Variants in KHDC1L observed in about 807,000 individuals in gnomAD.
The protein encoded by KHDC1L is KH domain containing 1 like.
KHDC1L carries 5 observed loss-of-function variants against 11.2 expected under a neutral mutation model. The ratio of observed to expected loss-of-function variants is 0.45; its 90% CI spans 0.23 to 0.94. The LOEUF (loss-of-function observed/expected upper bound fraction) is 0.94, where lower values mean the gene tolerates loss of function less well. KHDC1L is among the 40% of genes least tolerant of loss of function. The pLI, the probability that KHDC1L is intolerant of heterozygous loss-of-function variation, is 0.22. For missense variants in KHDC1L, 168 were observed against 165.8 expected, an observed-to-expected ratio of 1.01 and a Z score of -0.07; for synonymous variants, 66 against 62.7, an observed-to-expected ratio of 1.05 and a Z score of -0.25.
chr6:73,225,159 C>T, intron 1 of KHDC1L, 138 bp downstream of exon 1: 1 of 657,730 alleles, frequency 1.5e-6, no homozygotes, highest in Non-Finnish European at 2.5e-6. Flanking sequence ...CCCAGGTACT[C>T]TGCAGGCTGA....
Position 73,225,471 on chromosome 6 carries a change from GA to G in KHDC1L, c.-64del. ...AACAAACTGGTTGGCAAAAGACTTG[GA>G]AAAGCGAGGAAGGGCCTAGGCTCTG... On this transcript the variant is annotated 5_prime_UTR_variant, in exon 1 of 3. Coordinates refer to ENST00000370388, the MANE Select transcript of KHDC1L (RefSeq NM_001126063.3). The G allele has an allele frequency of 8.2e-7, 1 of 1,222,272 alleles. No homozygotes were observed. Among genetic ancestry groups the G allele is most frequent in the Non-Finnish European group, 1.2e-6 (1 of 834,110 alleles). The allele number at this position is 1,222,272 out of a possible 1,614,324, so 75.7% of individuals were successfully genotyped here.
At chr6:73,224,703 G>C (rs1269971814) in intron 1 of KHDC1L, among the ~76,000 whole-genome samples, 2 of 148,098 alleles carry the variant, frequency 1.4e-5, no homozygotes, top group Admixed American at 6.8e-5. Context: ...GTGAACCCGG[G>C]AGGCGGAGCT....
At position 73,225,375 on chromosome 6, in the gene KHDC1L, G is replaced by A. The variant is rs771343829; in HGVS notation, c.34C>T (p.Pro12Ser). Residue 12 changes from proline to serine, a missense_variant, in exon 1 of 3, where the codon CCG becomes TCG. Coordinates refer to ENST00000370388, the MANE Select transcript of KHDC1L (RefSeq NM_001126063.3). ...AAGTTTTCGGGCAGGGTCCACCACG[G>A]CTCCTTGCTGAGAGCACTCGTTCCC... ...AVGTSALSKE[P>S]WWTLPENFHS... 5.6e-6 allele frequency: 9 copies of A among 1,613,930 alleles called. No homozygotes were observed. The highest frequency in any genetic ancestry group is 1.6e-4 in the Middle Eastern group (1 of 6,084).
chr6:73,224,053 C>T (rs910564852), intron 2 of KHDC1L, 113 bp downstream of exon 2: 3 of 1,302,192 alleles, frequency 2.3e-6, no homozygotes, highest in Non-Finnish European at 3.1e-6. Context: ...CTGGGAAGCA[C>T]CTGGATTCCC....
chr6:73,224,215 C>A lies in KHDC1L; in HGVS notation c.246G>T (p.Leu82=). 2 of 1,575,466 alleles carry A rather than the reference C, an allele frequency of 1.3e-6. No individual in the cohort carries two copies. Among genetic ancestry groups the A allele is most frequent in the Non-Finnish European group, 1.7e-6 (2 of 1,160,020 alleles). The part of the protein sequence containing the change: ...VGPPMAKQWL[L]LMFHCVGSQD... ...GGCTCCCCACGCAATGGAACATGAG[C>A]AGCAGCCACTGCTTTGCCATTGGTG... Residue 82 remains leucine, a synonymous_variant, in exon 2 of 3, where the codon CTG becomes CTT. Transcript: ENST00000370388.
chr6:73,224,771 C>CAA (rs3044250), intron 1 of KHDC1L, among the ~76,000 whole-genome samples: 514 of 40,788 alleles, frequency 0.013, 2 homozygotes, highest in Non-Finnish European at 0.015. Context: ...GATTCCATAT[C>CAA]AAAAAAAAAA....
intron 1 of KHDC1L, 83 bp from the exon 2 acceptor site, chr6:73,224,431 G>A (rs917430709): frequency 1.7e-6 from 2 of 1,199,136 alleles, no homozygotes; most frequent in African/African-American, 1.5e-5. Context: ...GTAGGGATGT[G>A]TGACTCATGA....
chr6:73,224,022 C>A (rs1393723529), intron 2 of KHDC1L, 144 bp downstream of exon 2: 4 of 1,086,824 alleles, frequency 3.7e-6, no homozygotes, highest in Non-Finnish European at 5.2e-6. Flanking sequence ...CAAAAATGAG[C>A]CCTTCCCTTC....
intron 1 of KHDC1L, 73 bp downstream of exon 1, chr6:73,225,224 G>C (rs1167335640): frequency 3.7e-6 from 5 of 1,367,906 alleles, no homozygotes; most frequent in Non-Finnish European, 5.0e-6. Context: ...CCAAGATCAC[G>C]AGCGAGAATC....
In KHDC1L at chr6:73,225,374, G is replaced by C; in HGVS notation, c.35C>G (p.Pro12Arg). Residue 12 changes from proline (P) to arginine (R), a missense_variant, in exon 1 of 3, where the codon CCG becomes CGG. Pro to Arg is a moderately radical substitution (Grantham distance 103). Coordinates refer to ENST00000370388, the MANE Select transcript of KHDC1L (RefSeq NM_001126063.3). ...AAAGTTTTCGGGCAGGGTCCACCAC[G>C]GCTCCTTGCTGAGAGCACTCGTTCC... Reference protein sequence around the residue: ...AVGTSALSKEPWWTLPENFHS... With the variant: ...AVGTSALSKERWWTLPENFHS... 1 of 1,614,054 alleles carries C rather than the reference G, an allele frequency of 6.2e-7. No homozygotes were observed. Among genetic ancestry groups the C allele is most frequent in the South Asian group, 1.1e-5 (1 of 91,060 alleles).
At chr6:73,224,002 T>C (rs1766311003) in intron 2 of KHDC1L, among the ~76,000 whole-genome samples, 163 bp from the exon 3 acceptor site, 1 of 152,064 alleles carries the variant, frequency 6.6e-6, no homozygotes, top group South Asian at 2.1e-4. Context: ...CCCTGAGCAA[T>C]CGCATGCCAC....
At chr6:73,224,943 C>G in intron 1 of KHDC1L, among the ~76,000 whole-genome samples, 1 of 150,524 alleles carries the variant, frequency 6.6e-6, no homozygotes. Context: ...ATTAGCCGGG[C>G]GTGATGGCGG....
intron 1 of KHDC1L, among the ~76,000 whole-genome samples, chr6:73,224,755 G>C (rs1451128413): frequency 2.7e-5 from 3 of 110,696 alleles, no homozygotes; most frequent in African/African-American, 3.8e-5. Flanking sequence ...CAGCCTGGGC[G>C]ACAGAGATTC....
chr6:73,224,024 C>G, intron 2 of KHDC1L, 142 bp downstream of exon 2: 2 of 1,117,358 alleles, frequency 1.8e-6, no homozygotes, highest in South Asian at 3.2e-5. Flanking sequence ...AAAATGAGCC[C>G]TTCCCTTCCC....
Position 73,223,772 on chromosome 6 carries a change from G to T in KHDC1L, c.363C>A (p.Ser121Arg). 6.2e-7 allele frequency: 1 copy of T among 1,607,342 alleles called. No homozygotes were observed. Among genetic ancestry groups the T allele is most frequent in the Non-Finnish European group, 8.5e-7 (1 of 1,177,024 alleles). Residue 121 changes from serine to arginine, a missense_variant, in exon 3 of 3, where the codon AGC (serine) becomes AGA (arginine). By Grantham distance (110) the Ser-to-Arg change is moderately radical. Coordinates refer to ENST00000370388, the MANE Select transcript of KHDC1L (RefSeq NM_001126063.3). ...ATCAGTCTCCGGTGTACGGTGGCAG[G>T]CTAACGGAGGTGACCAGGTCATCAT... is the stretch of plus-strand genomic sequence containing the variant. ...LTNDDLVTSV[S>R]LPPYTGD
At chr6:73,224,771 C>CAAAAAAAAAAAAA (rs3044250) in intron 1 of KHDC1L, among the ~76,000 whole-genome samples, 2 of 41,092 alleles carry the variant, frequency 4.9e-5, no homozygotes, top group African/African-American at 2.1e-4. Flanking sequence ...GATTCCATAT[C>CAAAAAAAAAAAAA]AAAAAAAAAA....
chr6:73,224,332 G>C lies in KHDC1L; in HGVS notation c.129C>G (p.Tyr43Ter). 6.3e-7 allele frequency: 1 copy of C among 1,582,280 alleles called. No homozygotes were observed. The highest frequency in any genetic ancestry group is 8.6e-7 in the Non-Finnish European group (1 of 1,162,758). The change falls in exon 2 of 3, where the codon TAC becomes TAG. Residue 43 changes from tyrosine (Y) to a stop codon, truncating the protein, a stop_gained. Transcript: ENST00000370388. LOFTEE classifies it high-confidence loss of function. Reference sequence around the variant, plus strand: ...GGCTGTGCAGCTCAATGCAGCGAAGGTACGTGTCATCAAGTCCTGTAAGCA... The same window carrying C: ...GGCTGTGCAGCTCAATGCAGCGAAGCTACGTGTCATCAAGTCCTGTAAGCA... ...EELIFGLDDT[Y>*]LRCIELHSHT...
At chr6:73,224,026 T>G (rs777233867) in intron 2 of KHDC1L, 140 bp downstream of exon 2, 3 of 1,124,552 alleles carry the variant, frequency 2.7e-6, no homozygotes, top group Non-Finnish European at 3.8e-6. Context: ...AATGAGCCCT[T>G]CCCTTCCCAA....
At position 73,225,455 on chromosome 6, in the gene KHDC1L, G is replaced by A. The variant is rs911570387; in HGVS notation, c.-47C>T. On this transcript the variant is annotated 5_prime_UTR_variant, in exon 1 of 3. Coordinates refer to ENST00000370388, the MANE Select transcript of KHDC1L (RefSeq NM_001126063.3). ...GAATAGGGGAAAGTCTAACAAACTG[G>A]TTGGCAAAAGACTTGGAAAAGCGAG... is the stretch of plus-strand genomic sequence containing the variant. 2.1e-6 allele frequency: 3 copies of A among 1,423,684 alleles called. No individual in the cohort carries two copies. The African/African-American group carries it at 4.2e-5, about 20-fold the overall frequency. 88.2% of individuals were successfully genotyped at this position (1,423,684 alleles called of 1,614,324 possible). A position where few individuals can be genotyped will look rare whatever the true frequency, so the allele number is the denominator to read the frequency against.
Sources: gnomAD v4.1 joint callset for allele counts (sites outside exome capture counted in the v4.1 genomes callset) on GRCh38, gnomAD v4.1.1 for gene constraint, MANE v1.5 for transcripts, NCBI Gene and HGNC (gene_info 2026-07-23, HGNC 2026-07-21) for gene names.